The following KCNIP1 variants were observed in gnomAD, a reference collection of about 807,000 sequenced individuals.
The protein encoded by KCNIP1 is potassium voltage-gated channel interacting protein 1, also known as A-type potassium channel modulatory protein KCNIP1.
In KCNIP1, 18 loss-of-function variants were observed where a neutral mutation model predicts 33.0. The observed-to-expected ratio is 0.55, with a 90% CI of 0.38 to 0.81. KCNIP1 has a LOEUF of 0.81. Among genes scored for constraint, KCNIP1 ranks in the 30% least tolerant of loss-of-function variants. The pLI is 0.00. For missense variants in KCNIP1, 238 were observed against 271.6 expected, an observed-to-expected ratio of 0.88 and a Z score of 0.87; for synonymous variants, 93 against 98.3, an observed-to-expected ratio of 0.95 and a Z score of 0.32.
At chr5:170,498,273 G>A (rs972382376) in intron 1 of KCNIP1, among the ~76,000 whole-genome samples, 2 of 152,170 alleles carry the variant, frequency 1.3e-5, no homozygotes, top group Admixed American at 1.3e-4. Context: ...CTCACCCTGC[G>A]ACCTCCAACG....
intron 1 of KCNIP1, among the ~76,000 whole-genome samples, chr5:170,636,927 G>GGAGCCAGGCCTGC (rs1581428509): frequency 6.6e-6 from 1 of 152,104 alleles, no homozygotes; most frequent in East Asian, 1.9e-4. Flanking sequence ...TCTAAGTGGT[G>GGAGCCAGGCCTGC]GAGCCAGGCC....
intron 1 of KCNIP1, among the ~76,000 whole-genome samples, chr5:170,432,133 C>T (rs1755757743): frequency 6.6e-6 from 1 of 151,774 alleles, no homozygotes; most frequent in African/African-American, 2.4e-5. Flanking sequence ...GGCAATCTGG[C>T]AGTTCTGGGC....
At chr5:170,600,165 G>C (rs1480520722) in intron 1 of KCNIP1, among the ~76,000 whole-genome samples, 1 of 152,182 alleles carries the variant, frequency 6.6e-6, no homozygotes, top group African/African-American at 2.4e-5. Flanking sequence ...AGTAGAGCTG[G>C]GACCTGAACT....
intron 1 of KCNIP1, among the ~76,000 whole-genome samples, chr5:170,370,293 T>C (rs527299759): frequency 9.2e-5 from 14 of 152,340 alleles, no homozygotes; most frequent in Admixed American, 7.8e-4. Context: ...TGCACCGTGC[T>C]GAGTACTTCA....
At chr5:170,472,240 G>A (rs1355074168) in intron 1 of KCNIP1, among the ~76,000 whole-genome samples, 4 of 152,170 alleles carry the variant, frequency 2.6e-5, no homozygotes, top group Admixed American at 2.6e-4. Flanking sequence ...AAACCAGACA[G>A]AGCCACTGTG....
chr5:170,408,472 C>T (rs1013573618), intron 1 of KCNIP1, among the ~76,000 whole-genome samples: 3 of 152,112 alleles, frequency 2.0e-5, no homozygotes, highest in African/African-American at 7.2e-5. Context: ...CTGTGATTTC[C>T]AAGAGCGTGA....
chr5:170,465,741 G>T (rs12656294), intron 1 of KCNIP1, among the ~76,000 whole-genome samples: 38,165 of 152,102 alleles, frequency 0.25, 5,221 homozygotes, highest in East Asian at 0.5. Flanking sequence ...AAGGCTTCTT[G>T]AACTAGGACC....
At chr5:170,497,869 A>G (rs1757339828) in intron 1 of KCNIP1, among the ~76,000 whole-genome samples, 1 of 152,176 alleles carries the variant, frequency 6.6e-6, no homozygotes. Flanking sequence ...GTCTGAACTC[A>G]TCTCAGCTCT....
At chr5:170,408,366 T>C (rs1755091623) in intron 1 of KCNIP1, among the ~76,000 whole-genome samples, 1 of 152,198 alleles carries the variant, frequency 6.6e-6, no homozygotes, top group African/African-American at 2.4e-5. Context: ...CCTCAGGGAA[T>C]CTCCATGGCT....
At chr5:170,699,120 T>A (rs759870227) in intron 1 of KCNIP1, among the ~76,000 whole-genome samples, 2 of 152,164 alleles carry the variant, frequency 1.3e-5, no homozygotes, top group Non-Finnish European at 2.9e-5. Flanking sequence ...TTTCTTCATA[T>A]ACAAAATTTG....
chr5:170,585,335 A>G (rs1757947633), intron 1 of KCNIP1, among the ~76,000 whole-genome samples: 1 of 152,158 alleles, frequency 6.6e-6, no homozygotes. Context: ...CAGGGTCATC[A>G]GTGAGTTAGG....
At chr5:170,383,314 A>T (rs1353132180) in intron 1 of KCNIP1, 2 of 542,252 alleles carry the variant, frequency 3.7e-6, no homozygotes, top group Non-Finnish European at 6.6e-6. Flanking sequence ...AACACTAATC[A>T]CTGCTTTTGT....
At chr5:170,646,175 A>G (rs1029590217) in intron 1 of KCNIP1, among the ~76,000 whole-genome samples, 5 of 152,214 alleles carry the variant, frequency 3.3e-5, no homozygotes, top group African/African-American at 1.2e-4. Flanking sequence ...TTAAGGAAGA[A>G]AATGTATCAA....
chr5:170,528,461 G>A (rs1179312682), intron 1 of KCNIP1, among the ~76,000 whole-genome samples: 3 of 152,186 alleles, frequency 2.0e-5, no homozygotes, highest in Non-Finnish European at 4.4e-5. Flanking sequence ...TGCATGGCTG[G>A]CATGAGGAAT....
intron 1 of KCNIP1, among the ~76,000 whole-genome samples, chr5:170,693,394 GC>G (rs1483961007): frequency 6.6e-6 from 1 of 152,212 alleles, no homozygotes; most frequent in Non-Finnish European, 1.5e-5. Flanking sequence ...GCTGCCATCT[GC>G]TGTGCATCCT....
chr5:170,366,418 G>A (rs1163955795), intron 1 of KCNIP1, among the ~76,000 whole-genome samples: 2 of 152,214 alleles, frequency 1.3e-5, no homozygotes, highest in Non-Finnish European at 2.9e-5. Flanking sequence ...GAACCACAAA[G>A]CCCCATGGAC....
intron 1 of KCNIP1, among the ~76,000 whole-genome samples, chr5:170,455,686 A>C (rs1756355007): frequency 6.6e-6 from 1 of 152,262 alleles, no homozygotes; most frequent in Non-Finnish European, 1.5e-5. Context: ...CATACCCATA[A>C]GTAACCAATT....
chr5:170,559,294 A>G (rs906952804), intron 1 of KCNIP1, among the ~76,000 whole-genome samples: 1 of 152,238 alleles, frequency 6.6e-6, no homozygotes, highest in Non-Finnish European at 1.5e-5. Context: ...AGTTATCACA[A>G]TAAACCCATA....
chr5:170,495,593 C>T (rs906756992), intron 1 of KCNIP1, among the ~76,000 whole-genome samples: 6 of 152,246 alleles, frequency 3.9e-5, no homozygotes, highest in Non-Finnish European at 8.8e-5. Context: ...CACCAACCCT[C>T]GAACTCTGCC....
Sources: allele counts gnomAD v4.1 joint callset (sites outside exome capture counted in the v4.1 genomes callset), GRCh38; gene constraint gnomAD v4.1.1; transcripts MANE v1.5; gene names NCBI Gene and HGNC (gene_info 2026-07-23, HGNC 2026-07-21).